KLHL1: variants seen among roughly 807,000 people sequenced by gnomAD.
The protein encoded by KLHL1 is kelch-like protein 1.
In KLHL1, 47 loss-of-function variants were observed where a neutral mutation model predicts 77.7. The observed-to-expected ratio is 0.60, with a 90% CI of 0.48 to 0.77. The LOEUF is 0.77. KLHL1 is among the 30% of genes least tolerant of loss of function. KLHL1 has a pLI of 0.00. For synonymous variants in KLHL1, 360 were observed against 325.2 expected, an observed-to-expected ratio of 1.11 and a Z score of -1.15; for missense variants, 925 against 910.8, an observed-to-expected ratio of 1.02 and a Z score of -0.20.
At chr13:69,871,076 C>A (rs1303299336) in intron 5 of KLHL1, among the ~76,000 whole-genome samples, 3 of 152,238 alleles carry the variant, frequency 2.0e-5, no homozygotes, top group Middle Eastern at 3.4e-3. Flanking sequence ...CTTTCTGATA[C>A]ATCCTCTGAA....
intron 4 of KLHL1, among the ~76,000 whole-genome samples, chr13:69,909,569 T>A (rs556162147): frequency 6.6e-6 from 1 of 152,122 alleles, no homozygotes; most frequent in African/African-American, 2.4e-5. Flanking sequence ...TCCAGATATT[T>A]TCTCATTACC....
intron 1 of KLHL1, among the ~76,000 whole-genome samples, chr13:69,987,823 T>C (rs947069140): frequency 3.3e-5 from 5 of 152,036 alleles, no homozygotes; most frequent in African/African-American, 1.2e-4. Context: ...CATATATAGG[T>C]ATCCTTAGTA....
rs1031664661 is a variant in KLHL1 at position 69,897,904 on chromosome 13, C to T, written c.1015-15409G>A. On this transcript the variant is annotated intron_variant, in intron 4 of 10. Coordinates refer to ENST00000377844, the MANE Select transcript of KLHL1 (RefSeq NM_020866.3). ...TTATCTGTACCATTCCCTGTGGTTACTGAGTCCAGTTAAACCTCAGGAACT... is the reference window on the plus strand; with the variant it reads ...TTATCTGTACCATTCCCTGTGGTTATTGAGTCCAGTTAAACCTCAGGAACT... Among the ~76,000 whole-genome samples the T allele has an allele frequency of 1.1e-4, 17 of 152,326 alleles. No individual in the cohort carries two copies. In the South Asian group the frequency reaches 2.7e-3, roughly 24 times the overall value.
intron 7 of KLHL1, among the ~76,000 whole-genome samples, chr13:69,774,798 G>A (rs1875747661): frequency 6.6e-6 from 1 of 152,088 alleles, no homozygotes; most frequent in Non-Finnish European, 1.5e-5. Flanking sequence ...TCATTGAACT[G>A]ACTACCTATG....
At chr13:70,066,834 A>G (rs183070439) in intron 1 of KLHL1, among the ~76,000 whole-genome samples, 30 of 152,320 alleles carry the variant, frequency 2.0e-4, no homozygotes, top group African/African-American at 7.2e-4. Flanking sequence ...AAGTGGCCAA[A>G]TTTTATCATA....
At chr13:69,988,099 A>AGG (rs1566476079) in intron 1 of KLHL1, among the ~76,000 whole-genome samples, 5 of 150,708 alleles carry the variant, frequency 3.3e-5, no homozygotes, top group African/African-American at 1.2e-4. Context: ...TGGCGGGGGG[A>AGG]ACCTCTCCTT....
intron 4 of KLHL1, among the ~76,000 whole-genome samples, chr13:69,939,378 T>TATATATATATATAC (rs1200160699): frequency 5.2e-4 from 37 of 70,770 alleles, no homozygotes; most frequent in African/African-American, 2.2e-3. Flanking sequence ...TATATATATA[T>TATATATATATATAC]ACACACACAC....
chr13:70,031,368 C>T (rs1886096395), intron 1 of KLHL1, among the ~76,000 whole-genome samples: 1 of 152,090 alleles, frequency 6.6e-6, no homozygotes, highest in African/African-American at 2.4e-5. Flanking sequence ...TGCAGAACTA[C>T]TTTAAGAGGT....
At chr13:70,060,910 A>T (rs1395540600) in intron 1 of KLHL1, among the ~76,000 whole-genome samples, 1 of 152,148 alleles carries the variant, frequency 6.6e-6, no homozygotes, top group Non-Finnish European at 1.5e-5. Context: ...AAAAAAGAAC[A>T]AGATCCTGTC....
intron 3 of KLHL1, 114 bp from the exon 4 acceptor site, chr13:69,940,350 G>A: frequency 5.9e-6 from 4 of 676,852 alleles, no homozygotes; most frequent in Non-Finnish European, 6.7e-6. Context: ...AACTGAGATT[G>A]GTAATCAAGA....
rs187763620 is a variant in KLHL1, at chr13:70,062,875, T to G, written c.497+44328A>C. Among the ~76,000 whole-genome samples the G allele has an allele frequency of 2.4e-3, 364 of 152,292 alleles. 1 individual carries two copies. Among genetic ancestry groups the G allele is most frequent in the African/African-American group, 8.3e-3 (344 of 41,562 alleles). On this transcript the variant is annotated intron_variant, in intron 1 of 10. Transcript: ENST00000377844. ...GTTAGAAAACAGAAAAAGTGAAAAA[T>G]TAAATGTATTTGCCTTTTCAGTCAA...
chr13:69,885,519 G>A (rs1199308580), intron 4 of KLHL1, among the ~76,000 whole-genome samples: 2 of 151,252 alleles, frequency 1.3e-5, no homozygotes, highest in Admixed American at 6.6e-5. Context: ...CTTTGTTTAT[G>A]GTACCTACAA....
intron 7 of KLHL1, 66 bp from the exon 8 acceptor site, chr13:69,740,622 T>C: frequency 8.1e-7 from 1 of 1,231,860 alleles, no homozygotes; most frequent in Non-Finnish European, 1.1e-6. Flanking sequence ...TAAAAATCTG[T>C]TAAGTGGGTA....
chr13:69,943,204 T>A (rs1883417222), intron 3 of KLHL1, among the ~76,000 whole-genome samples: 1 of 149,002 alleles, frequency 6.7e-6, no homozygotes, highest in Non-Finnish European at 1.5e-5. Context: ...TTGAGTGTCA[T>A]ACAATGTTTT....
intron 6 of KLHL1, among the ~76,000 whole-genome samples, chr13:69,806,180 C>T (rs1361570129): frequency 6.6e-6 from 1 of 152,024 alleles, no homozygotes; most frequent in South Asian, 2.1e-4. Flanking sequence ...ATAAGTAAAT[C>T]TTGATTCCTG....
intron 7 of KLHL1, among the ~76,000 whole-genome samples, chr13:69,795,597 CTTTACAA>C (rs1270752526): frequency 6.6e-6 from 1 of 152,056 alleles, no homozygotes; most frequent in African/African-American, 2.4e-5. Context: ...GTATATAGGA[CTTTACAA>C]TTTACAAAGT....
intron 7 of KLHL1, among the ~76,000 whole-genome samples, chr13:69,757,217 C>G (rs1874790009): frequency 6.6e-6 from 1 of 152,124 alleles, no homozygotes; most frequent in African/African-American, 2.4e-5. Flanking sequence ...GGATTTTACT[C>G]ACTTGTAAGT....
At position 70,003,028 on chromosome 13, in the gene KLHL1, A is replaced by G. The variant is rs372372770; in HGVS notation, c.498-27226T>C. Among the ~76,000 whole-genome samples the G allele has an allele frequency of 6.6e-5, 10 of 151,846 alleles. No individual in the cohort carries two copies. The East Asian group carries it at 9.7e-4, about 15-fold the overall frequency. On this transcript the variant is annotated intron_variant, in intron 1 of 10. Transcript: ENST00000377844. ...CAAATAAATAATACCTAGATTTTACAAAGCACTTTTAAAAATTAACAATTA... is the reference window on the plus strand; with the variant it reads ...CAAATAAATAATACCTAGATTTTACGAAGCACTTTTAAAAATTAACAATTA...
chr13:69,960,410 A>G (rs1267351452), intron 3 of KLHL1, among the ~76,000 whole-genome samples: 1 of 152,102 alleles, frequency 6.6e-6, no homozygotes, highest in African/African-American at 2.4e-5. Context: ...CATTCCATTT[A>G]TAAGAAATAA....
Sources: gnomAD v4.1 joint callset for allele counts (sites outside exome capture counted in the v4.1 genomes callset) on GRCh38, gnomAD v4.1.1 for gene constraint, MANE v1.5 for transcripts, NCBI Gene and HGNC (gene_info 2026-07-23, HGNC 2026-07-21) for gene names.